IL1RAPL2: variants seen among roughly 807,000 people sequenced by gnomAD.
The protein encoded by IL1RAPL2 is X-linked interleukin-1 receptor accessory protein-like 2.
Under a neutral mutation model 44.1 loss-of-function variants are expected in IL1RAPL2, and 3 were observed. That is an observed-to-expected ratio of 0.07 (90% CI 0.03 to 0.18). The LOEUF (loss-of-function observed/expected upper bound fraction) is 0.18, where lower values mean the gene tolerates loss of function less well. Among genes scored for constraint, IL1RAPL2 ranks in the 10% least tolerant of loss-of-function variants. IL1RAPL2 has a pLI of 1.00. For synonymous variants in IL1RAPL2, 181 were observed against 178.8 expected (o/e 1.01, Z -0.10); for missense variants, 391 against 496.4 (o/e 0.79, Z 2.02).
chrX:105,560,337 C>T (rs757691475), intron 6 of IL1RAPL2, among the ~76,000 whole-genome samples: 1 of 112,190 alleles, frequency 8.9e-6, no homozygotes, highest in Non-Finnish European at 1.9e-5. Context: ...CGACATCTTG[C>T]ACCCCTCTCT....
intron 2 of IL1RAPL2, among the ~76,000 whole-genome samples, chrX:104,698,277 AG>A (rs1336655073): frequency 8.9e-6 from 1 of 112,540 alleles, no homozygotes; most frequent in Non-Finnish European, 1.9e-5. Flanking sequence ...ACTGCTCCTT[AG>A]AAACAAGTCA....
At chrX:105,442,936 C>T (rs1046398543) in intron 5 of IL1RAPL2, among the ~76,000 whole-genome samples, 2 of 111,277 alleles carry the variant, frequency 1.8e-5, no homozygotes, top group Admixed American at 9.5e-5. Context: ...AGTAGCCCAG[C>T]GTGGTGGTGG....
intron 2 of IL1RAPL2, among the ~76,000 whole-genome samples, chrX:105,107,954 T>C (rs1324431668): frequency 1.8e-5 from 2 of 111,700 alleles, no homozygotes; most frequent in African/African-American, 3.3e-5. Flanking sequence ...TATCCTGATA[T>C]ACTTTACAGG....
intron 6 of IL1RAPL2, among the ~76,000 whole-genome samples, chrX:105,568,027 A>G (rs2036986932): frequency 1.8e-5 from 2 of 111,258 alleles, no homozygotes; most frequent in Admixed American, 9.6e-5. Flanking sequence ...GCATACTAAT[A>G]TAATTTAAAT....
intron 2 of IL1RAPL2, among the ~76,000 whole-genome samples, chrX:105,119,483 C>T (rs1487213477): frequency 9.0e-6 from 1 of 111,471 alleles, no homozygotes; most frequent in Non-Finnish European, 1.9e-5. Flanking sequence ...AAATGGCTTC[C>T]TCTGCCTGGC....
intron 2 of IL1RAPL2, among the ~76,000 whole-genome samples, chrX:104,696,782 C>T (rs1931190018): frequency 1.8e-5 from 2 of 111,628 alleles, no homozygotes; most frequent in African/African-American, 6.5e-5. Flanking sequence ...GGTATGTAGG[C>T]AAGCAGTACC....
intron 2 of IL1RAPL2, among the ~76,000 whole-genome samples, chrX:104,817,437 G>A (rs1921167419): frequency 8.9e-6 from 1 of 111,972 alleles, no homozygotes; most frequent in African/African-American, 3.3e-5. Flanking sequence ...TGAGAAAGGA[G>A]GATAGCAGAA....
chrX:104,685,927 C>G (rs1930979614), intron 2 of IL1RAPL2, among the ~76,000 whole-genome samples: 1 of 106,203 alleles, frequency 9.4e-6, no homozygotes, highest in Non-Finnish European at 1.9e-5. Context: ...GACTCTGTCT[C>G]AAAATAAATA....
At chrX:105,472,503 T>C (rs1372439272) in intron 5 of IL1RAPL2, among the ~76,000 whole-genome samples, 2 of 112,023 alleles carry the variant, frequency 1.8e-5, no homozygotes, top group East Asian at 5.7e-4. Flanking sequence ...TTGGACTTAA[T>C]GAGATAATCA....
intron 5 of IL1RAPL2, among the ~76,000 whole-genome samples, chrX:105,337,988 A>G (rs1409631732): frequency 8.9e-6 from 1 of 112,351 alleles, no homozygotes; most frequent in African/African-American, 3.2e-5. Context: ...CTTCAGATAT[A>G]TTTAGAACTT....
chrX:105,158,519 G>A (rs1208106016), intron 2 of IL1RAPL2, among the ~76,000 whole-genome samples: 2 of 111,755 alleles, frequency 1.8e-5, no homozygotes, highest in African/African-American at 3.2e-5. Context: ...GTGCAGACAC[G>A]AAACCTGAGT....
At chrX:105,320,007 T>C (rs1316830405) in intron 5 of IL1RAPL2, among the ~76,000 whole-genome samples, 1 of 111,366 alleles carries the variant, frequency 9.0e-6, no homozygotes, top group East Asian at 2.8e-4. Flanking sequence ...TATATGTGTG[T>C]GTGTGTGTGT....
intron 2 of IL1RAPL2, among the ~76,000 whole-genome samples, chrX:105,086,756 A>G (rs1397215432): frequency 9.1e-6 from 1 of 110,103 alleles, no homozygotes; most frequent in Non-Finnish European, 1.9e-5. Context: ...CCCCATAAAT[A>G]TATACAATTA....
At chrX:104,811,642 A>C (rs1448195245) in intron 2 of IL1RAPL2, among the ~76,000 whole-genome samples, 5 of 110,979 alleles carry the variant, frequency 4.5e-5, no homozygotes, top group Non-Finnish European at 9.4e-5. Flanking sequence ...CATCTGATGC[A>C]GTTATTTTAG....
intron 2 of IL1RAPL2, among the ~76,000 whole-genome samples, chrX:105,057,930 C>T (rs1317108901): frequency 4.0e-5 from 4 of 99,357 alleles, no homozygotes; most frequent in Admixed American, 1.1e-4. Context: ...TACAGGCATG[C>T]GCCACCACAC....
At chrX:104,759,648 A>G (rs193216071) in intron 2 of IL1RAPL2, among the ~76,000 whole-genome samples, 69 of 111,061 alleles carry the variant, frequency 6.2e-4, no homozygotes, top group African/African-American at 2.0e-3. Context: ...AGGAGAAAAA[A>G]GGTAGAATTT....
chrX:105,671,370 G>GT (rs1175650607), intron 6 of IL1RAPL2, among the ~76,000 whole-genome samples: 2 of 112,098 alleles, frequency 1.8e-5, no homozygotes, highest in Non-Finnish European at 3.8e-5. Context: ...TCTAGGAGTT[G>GT]CTTTTTATTT....
At chrX:104,733,339 C>G (rs1931956437) in intron 2 of IL1RAPL2, among the ~76,000 whole-genome samples, 1 of 111,095 alleles carries the variant, frequency 9.0e-6, no homozygotes, top group Admixed American at 9.6e-5. Context: ...CACCTGTAAT[C>G]CCAGCACTTT....
chrX:105,057,366 T>G (rs1235489276), intron 2 of IL1RAPL2, among the ~76,000 whole-genome samples: 2 of 111,771 alleles, frequency 1.8e-5, no homozygotes, highest in Non-Finnish European at 3.8e-5. Context: ...GCATGAACAG[T>G]GACATGTGTA....
Sources: gnomAD v4.1 joint callset for allele counts (sites outside exome capture counted in the v4.1 genomes callset) on GRCh38, gnomAD v4.1.1 for gene constraint, MANE v1.5 for transcripts, NCBI Gene and HGNC (gene_info 2026-07-23, HGNC 2026-07-21) for gene names.